ASTN2: variants seen among roughly 807,000 people sequenced by gnomAD.
ASTN2 encodes astrotactin-2.
A neutral mutation model predicts 139.8 loss-of-function variants in ASTN2; 54 were observed. The observed-to-expected ratio is 0.39, with a 90% CI of 0.31 to 0.48. The LOEUF is 0.48. Among genes scored for constraint, ASTN2 ranks in the 20% least tolerant of loss-of-function variants. ASTN2 has a pLI of 0.95. For synonymous variants in ASTN2, 756 were observed against 719.5 expected (o/e 1.05, Z -0.81); for missense variants, 1,565 against 1,725.1 (o/e 0.91, Z 1.64).
intron 17 of ASTN2, among the ~76,000 whole-genome samples, chr9:116,635,350 C>T (rs564703371): frequency 8.5e-5 from 13 of 152,262 alleles, no homozygotes; most frequent in Admixed American, 6.5e-4. Context: ...ATCTGGTTGA[C>T]GGTTAAAACC....
chr9:116,457,166 T>C (rs576195770), intron 20 of ASTN2, among the ~76,000 whole-genome samples: 1 of 152,142 alleles, frequency 6.6e-6, no homozygotes, highest in South Asian at 2.1e-4. Flanking sequence ...AGAAAGAAAC[T>C]AGAGTGCTAT....
At chr9:117,087,503 C>T (rs1378956855) in intron 5 of ASTN2, among the ~76,000 whole-genome samples, 2 of 152,150 alleles carry the variant, frequency 1.3e-5, no homozygotes, top group Non-Finnish European at 2.9e-5. Context: ...ACCGAGATTA[C>T]AGGAGTGAGC....
chr9:116,854,948 G>T (rs1016840689), intron 11 of ASTN2, among the ~76,000 whole-genome samples: 4 of 150,888 alleles, frequency 2.7e-5, no homozygotes, highest in Non-Finnish European at 4.4e-5. Context: ...CACCGCGCCC[G>T]GCCTCCCTTC....
intron 19 of ASTN2, among the ~76,000 whole-genome samples, chr9:116,580,282 G>A (rs549103183): frequency 1.1e-4 from 16 of 152,314 alleles, no homozygotes; most frequent in African/African-American, 3.8e-4. Flanking sequence ...GGGCAGGGGA[G>A]AGGAAACAGG....
At chr9:116,644,143 C>T (rs114812330) in intron 17 of ASTN2, among the ~76,000 whole-genome samples, 6,543 of 152,140 alleles carry the variant, frequency 0.043, 498 homozygotes, top group African/African-American at 0.15. Flanking sequence ...CTGGTAATAA[C>T]TGGGGGAGGG....
intron 11 of ASTN2, among the ~76,000 whole-genome samples, chr9:116,862,280 C>T (rs1220294267): frequency 6.6e-6 from 1 of 152,146 alleles, no homozygotes; most frequent in African/African-American, 2.4e-5. Flanking sequence ...TTCTATCCTT[C>T]CCTTCTTCTT....
At chr9:117,379,291 G>A (rs751015687) in intron 1 of ASTN2, among the ~76,000 whole-genome samples, 3 of 152,142 alleles carry the variant, frequency 2.0e-5, no homozygotes, top group Non-Finnish European at 4.4e-5. Context: ...AAAGGCTTGT[G>A]AGGCAAGACG....
chr9:116,566,075 A>G (rs959924014), intron 19 of ASTN2, among the ~76,000 whole-genome samples: 1 of 152,186 alleles, frequency 6.6e-6, no homozygotes, highest in African/African-American at 2.4e-5. Context: ...CCTCTGATGG[A>G]AAGTCTGTAA....
At chr9:117,343,448 C>T (rs1177526413) in intron 1 of ASTN2, among the ~76,000 whole-genome samples, 1 of 152,164 alleles carries the variant, frequency 6.6e-6, no homozygotes, top group African/African-American at 2.4e-5. Flanking sequence ...TCACAGAAAA[C>T]ATTTGAACTG....
chr9:117,156,250 A>G (rs904194159), intron 3 of ASTN2, among the ~76,000 whole-genome samples: 1 of 152,074 alleles, frequency 6.6e-6, no homozygotes, highest in Admixed American at 6.6e-5. Flanking sequence ...TGGGCCAGAC[A>G]TCTGCTAAAG....
chr9:117,043,305 C>T (rs1398702401), intron 5 of ASTN2, among the ~76,000 whole-genome samples: 2 of 151,956 alleles, frequency 1.3e-5, no homozygotes, highest in South Asian at 2.1e-4. Context: ...AGTGAGAGGC[C>T]CCTGGCATTG....
intron 10 of ASTN2, among the ~76,000 whole-genome samples, chr9:116,898,173 A>T (rs1833922702): frequency 6.6e-6 from 1 of 152,092 alleles, no homozygotes; most frequent in African/African-American, 2.4e-5. Context: ...TTGGGAGGCC[A>T]AGGTGGAAGG....
At chr9:117,347,756 T>G (rs1310650620) in intron 1 of ASTN2, among the ~76,000 whole-genome samples, 1 of 151,972 alleles carries the variant, frequency 6.6e-6, no homozygotes. Context: ...GCTGGGAAGG[T>G]GTGAATTGCT....
chr9:116,632,465 C>T (rs1856855154), intron 17 of ASTN2, among the ~76,000 whole-genome samples: 1 of 152,018 alleles, frequency 6.6e-6, no homozygotes, highest in South Asian at 2.1e-4. Context: ...AATAAAACAA[C>T]TAAAAATAAT....
chr9:116,593,169 G>A (rs1467889754), intron 19 of ASTN2, among the ~76,000 whole-genome samples: 2 of 152,188 alleles, frequency 1.3e-5, no homozygotes, highest in Non-Finnish European at 2.9e-5. Context: ...GGTCATTTAG[G>A]GAGAAGCAGT....
At chr9:117,303,600 C>T (rs1834929145) in intron 1 of ASTN2, among the ~76,000 whole-genome samples, 1 of 152,194 alleles carries the variant, frequency 6.6e-6, no homozygotes, top group African/African-American at 2.4e-5. Flanking sequence ...TGTCATTCCT[C>T]CATGTGCCCC....
intron 1 of ASTN2, among the ~76,000 whole-genome samples, chr9:117,321,953 G>C (rs1828336948): frequency 6.6e-6 from 1 of 152,096 alleles, no homozygotes; most frequent in African/African-American, 2.4e-5. Context: ...GCTGTAAAGA[G>C]AAAATGATGA....
In ASTN2 at chr9:116,725,909, G is replaced by T; in HGVS notation, c.2668C>A (p.Arg890=). ...VLKILTKESS[R]EELLSFIQHY... ...TGGATGAAGGACAGCAGCTCCTCCC[G>T]ACTGCTCTCCTTGGTCAGGATCTTG... is the stretch of plus-strand genomic sequence containing the variant. The change falls in exon 16 of 23, where the codon CGG becomes AGG. Residue 890 remains arginine, a synonymous_variant. Coordinates refer to ENST00000313400, the MANE Select transcript of ASTN2 (RefSeq NM_001365068.1). The T allele has an allele frequency of 6.2e-7, 1 of 1,613,858 alleles. No homozygotes were observed. The highest frequency in any genetic ancestry group is 8.5e-7 in the Non-Finnish European group (1 of 1,179,972).
intron 3 of ASTN2, among the ~76,000 whole-genome samples, chr9:117,208,449 A>G (rs1832010551): frequency 6.6e-6 from 1 of 152,058 alleles, no homozygotes. Flanking sequence ...GAAATAACAC[A>G]AGGAGTCAAA....
Sources: allele counts gnomAD v4.1 joint callset (sites outside exome capture counted in the v4.1 genomes callset), GRCh38; gene constraint gnomAD v4.1.1; transcripts MANE v1.5; gene names NCBI Gene and HGNC (gene_info 2026-07-23, HGNC 2026-07-21).